The following C3orf52 variants were observed in gnomAD, a reference collection of about 807,000 sequenced individuals.
C3orf52 encodes the protein chromosome 3 open reading frame 52.
In C3orf52, 22 loss-of-function variants were observed where a neutral mutation model predicts 24.8. The observed-to-expected ratio is 0.89, with a 90% CI of 0.63 to 1.27. C3orf52 has a LOEUF of 1.27. Among genes scored for constraint, C3orf52 ranks in the 50% most tolerant of loss-of-function variants. C3orf52 has a pLI of 0.00. For synonymous variants in C3orf52, 93 were observed against 100.2 expected (o/e 0.93, Z 0.43); for missense variants, 265 against 260.7 (o/e 1.02, Z -0.11).
chr3:112,098,342 C>CTATTTT (rs1309366514), intron 2 of C3orf52, among the ~76,000 whole-genome samples: 1 of 152,164 alleles, frequency 6.6e-6, no homozygotes, highest in Non-Finnish European at 1.5e-5. Context: ...GTTGATTTTG[C>CTATTTT]TATTTTTGCT....
intron 2 of C3orf52, among the ~76,000 whole-genome samples, chr3:112,098,831 G>T (rs1269170643): frequency 6.6e-6 from 1 of 152,050 alleles, no homozygotes; most frequent in Non-Finnish European, 1.5e-5. Context: ...TTTTATAAGG[G>T]CACTAATACC....
At chr3:112,119,321 G>T (rs751795834), downstream of C3orf52, 204 of 617,086 alleles carry the variant, frequency 3.3e-4, 1 homozygote, top group South Asian at 2.0e-3. Context: ...GTTGCAGTGA[G>T]CTGAGATCAC....
downstream of C3orf52, chr3:112,133,058 C>T: frequency 6.2e-7 from 1 of 1,607,064 alleles, no homozygotes; most frequent in East Asian, 2.2e-5. Context: ...CCTGTCCCAT[C>T]TCCTCTGCTC....
At chr3:112,100,681 T>C (rs2073964839) in intron 2 of C3orf52, among the ~76,000 whole-genome samples, 1 of 152,198 alleles carries the variant, frequency 6.6e-6, no homozygotes, top group Non-Finnish European at 1.5e-5. Flanking sequence ...ATCTACATGG[T>C]GGGTATAGAG....
intron 4 of C3orf52, among the ~76,000 whole-genome samples, chr3:112,126,721 C>T (rs2074328424): frequency 6.6e-6 from 1 of 152,194 alleles, no homozygotes; most frequent in South Asian, 2.1e-4. Context: ...TTCTCCTCCA[C>T]CTTTTGTATC....
At position 112,094,197 on chromosome 3, in the gene C3orf52, G is replaced by A. The variant is rs146689849; in HGVS notation, c.268+708G>A. 3.1e-3 allele frequency among the ~76,000 whole-genome samples: 472 copies of A among 152,322 alleles called. 2 individuals carry two copies. Among genetic ancestry groups the A allele is most frequent in the African/African-American group, 0.01 (419 of 41,562 alleles). ...TTTAGTAGAGACGGGGTTTTGCCAT[G>A]TTGTCCGGGTTGGTCTTGAACTCCT... On this transcript the variant is annotated intron_variant, in intron 2 of 5. Transcript: ENST00000264848.
At chr3:112,086,697 C>G (rs1253669732) in intron 1 of C3orf52, among the ~76,000 whole-genome samples, 152 bp downstream of exon 1, 1 of 152,090 alleles carries the variant, frequency 6.6e-6, no homozygotes, top group Non-Finnish European at 1.5e-5. Context: ...TGAATGGAGC[C>G]GAGTCACCGC....
downstream of C3orf52, chr3:112,133,239 G>A: frequency 1.9e-6 from 2 of 1,046,188 alleles, no homozygotes; most frequent in East Asian, 2.4e-5. Context: ...CACCCGTGCA[G>A]AGACAGCAGA....
intron 3 of C3orf52, among the ~76,000 whole-genome samples, chr3:112,107,301 A>G (rs1032317208): frequency 6.6e-6 from 1 of 152,206 alleles, no homozygotes; most frequent in African/African-American, 2.4e-5. Context: ...AGGAAGAGAA[A>G]GACATGAGTG....
intron 3 of C3orf52, among the ~76,000 whole-genome samples, chr3:112,105,461 T>G (rs74735247): frequency 0.061 from 9,334 of 152,022 alleles, 391 homozygotes; most frequent in African/African-American, 0.12. Context: ...ATATAAAAGG[T>G]AAATGGAAGT....
chr3:112,130,445 C>T (rs779704083), downstream of C3orf52: 3 of 1,613,800 alleles, frequency 1.9e-6, no homozygotes, highest in African/African-American at 2.7e-5. Flanking sequence ...TTGCTCTCAC[C>T]TGGATGTTCT....
intron 1 of C3orf52, among the ~76,000 whole-genome samples, chr3:112,090,287 C>CTTT (rs386397627): frequency 2.3e-4 from 25 of 109,022 alleles, no homozygotes; most frequent in African/African-American, 3.5e-4. Flanking sequence ...GTTTCATGTG[C>CTTT]TTTTTTTTTT....
rs758669369 is a variant in C3orf52 at position 112,116,657 on chromosome 3, G to T, written c.*11G>T. ...TTCTTTTTAGAATGAAGTGATGGAG[G>T]CTGGTCTCTGTCTGAAAGCAGTGCT... On this transcript the variant is annotated 3_prime_UTR_variant, in exon 6 of 6. Transcript: ENST00000264848. 2.5e-6 allele frequency: 4 copies of T among 1,591,658 alleles called. No homozygotes were observed. Among genetic ancestry groups the T allele is most frequent in the African/African-American group, 2.7e-5 (2 of 74,590 alleles).
At chr3:112,090,520 A>C (rs560134704) in intron 1 of C3orf52, among the ~76,000 whole-genome samples, 4 of 152,152 alleles carry the variant, frequency 2.6e-5, no homozygotes, top group African/African-American at 7.2e-5. Flanking sequence ...AAGTCTGTGA[A>C]TATTAATCAT....
rs1432928499 is a variant in C3orf52, at chr3:112,103,053, G to C, written c.396+88G>C. 3 of 1,250,250 alleles carry C rather than the reference G, an allele frequency of 2.4e-6. No individual in the cohort carries two copies. The Admixed American group carries it at 7.5e-5, about 31-fold the overall frequency. The allele number at this position is 1,250,250 out of a possible 1,614,324, so 77.4% of individuals were successfully genotyped here. On this transcript the variant is annotated intron_variant, in intron 3 of 5. Transcript: ENST00000264848. ...TAATTGGCATAGAGCTATAGAGTAA[G>C]TAGCTTCAATTTTGGATTCTTTGTC...
At chr3:112,106,823 A>C (rs534409959) in intron 3 of C3orf52, among the ~76,000 whole-genome samples, 1 of 152,210 alleles carries the variant, frequency 6.6e-6, no homozygotes, top group Admixed American at 6.5e-5. Context: ...CACCCTGTGC[A>C]TGGGTTAGGA....
chr3:112,130,405 G>A (rs955624289), downstream of C3orf52: 3 of 1,549,632 alleles, frequency 1.9e-6, no homozygotes, highest in Non-Finnish European at 2.7e-6. Context: ...CGTTCTCCTT[G>A]GGCAAGGTCT....
At chr3:112,116,460 T>C (rs1416116737) in intron 5 of C3orf52, among the ~76,000 whole-genome samples, 182 bp from the exon 6 acceptor site, 2 of 152,210 alleles carry the variant, frequency 1.3e-5, no homozygotes, top group East Asian at 3.9e-4. Flanking sequence ...CCTTTTGAAA[T>C]GTATTCAGAG....
Position 112,125,725 on chromosome 3 carries a change from G to A in C3orf52, c.*47-2508G>A, listed in dbSNP as rs189239227. On this transcript the variant is annotated intron_variant, in intron 4 of 4. Coordinates refer to the C3orf52 transcript ENST00000480282. ...CCACACTGTGGAGCAGAGGGCCGTC[G>A]TTTCTACTCTAGGTGACGGGATGGT... 7.0e-4 allele frequency among the ~76,000 whole-genome samples: 107 copies of A among 152,340 alleles called. 1 individual carries two copies. Among genetic ancestry groups the A allele is most frequent in the Middle Eastern group, 3.4e-3 (1 of 294 alleles).
Sources: allele counts gnomAD v4.1 joint callset (sites outside exome capture counted in the v4.1 genomes callset), GRCh38; gene constraint gnomAD v4.1.1; transcripts MANE v1.5; gene names NCBI Gene and HGNC (gene_info 2026-07-23, HGNC 2026-07-21).